Variants in DMD observed in about 807,000 individuals in gnomAD.
The protein encoded by DMD is dystrophin.
In DMD, 63 loss-of-function variants were observed where a neutral mutation model predicts 330.1. The observed-to-expected ratio is 0.19, with a 90% CI of 0.16 to 0.24. The LOEUF (loss-of-function observed/expected upper bound fraction) is 0.24. Ranked by LOEUF, DMD falls within the 10% of genes least tolerant of loss-of-function variation. The pLI, the probability that DMD is intolerant of heterozygous loss-of-function variation, is 1.00. For synonymous variants in DMD, 1,223 were observed against 959.8 expected (o/e 1.27, Z -5.07); for missense variants, 3,344 against 2,684.1 (o/e 1.25, Z -5.43).
chrX:31,708,607 T>TTAAA (rs201116203), intron 52 of DMD, among the ~76,000 whole-genome samples: 3,186 of 111,837 alleles, frequency 0.028, 49 homozygotes, highest in Non-Finnish European at 0.047. Context: ...CCCTATATCA[T>TTAAA]TAAATACTAT....
At chrX:31,596,159 A>G (rs1198268085) in intron 55 of DMD, among the ~76,000 whole-genome samples, 3 of 111,726 alleles carry the variant, frequency 2.7e-5, no homozygotes, top group Non-Finnish European at 5.6e-5. Flanking sequence ...CTAGCATAAC[A>G]TAATATTGAT....
intron 1 of DMD, among the ~76,000 whole-genome samples, chrX:33,072,041 G>C (rs1476453314): frequency 4.5e-5 from 5 of 112,285 alleles, no homozygotes; most frequent in Non-Finnish European, 9.4e-5. Context: ...ACTTGAAAAT[G>C]TGTTCATAGT....
In DMD at chrX:32,310,127, A is replaced by G. The variant is rs373804251; in HGVS notation, c.6072T>C (p.Cys2024=). The change falls in exon 42 of 79, where the codon TGT becomes TGC. Residue 2024 remains cysteine (C), a synonymous_variant. Coordinates refer to ENST00000357033, the MANE Select transcript of DMD (RefSeq NM_004006.3). ...TAAAGAGATCTTCAAAGTCCTTAGC[A>G]CAGAGGTCAGGAGCATTGAGAAGTT... The part of the protein sequence containing the change: ...VEQLLNAPDL[C]AKDFEDLFKQ... 1.6e-5 allele frequency: 19 copies of G among 1,207,826 alleles called. No individual in the cohort carries two copies. The highest frequency in any genetic ancestry group is 2.1e-5 in the Non-Finnish European group (19 of 893,615).
At chrX:31,976,827 T>A (rs1289510798) in intron 44 of DMD, among the ~76,000 whole-genome samples, 5 of 111,881 alleles carry the variant, frequency 4.5e-5, no homozygotes, top group Non-Finnish European at 9.4e-5. Flanking sequence ...TGTGGCATAG[T>A]CTTTAAATGC....
intron 7 of DMD, among the ~76,000 whole-genome samples, chrX:32,790,171 A>G (rs1045605460): frequency 2.7e-5 from 3 of 111,558 alleles, no homozygotes; most frequent in African/African-American, 9.8e-5. Flanking sequence ...CAAGTAGATA[A>G]TCATACTTTG....
rs1419946089 is a variant in DMD, at chrX:31,903,837, T to C, written c.6912+25759A>G. On this transcript the variant is annotated intron_variant, in intron 47 of 78. Transcript: ENST00000357033. ...AATAAGAAAGAACATTACTTCAATA[T>C]TGAGTTCTTAACATAAATGAGAGCA... 3.6e-5 allele frequency among the ~76,000 whole-genome samples: 4 copies of C among 111,906 alleles called. No homozygotes were observed. In the East Asian group the frequency reaches 1.1e-3, roughly 31 times the overall value.
chrX:32,581,571 T>G (rs7882802), intron 13 of DMD, among the ~76,000 whole-genome samples: 4,649 of 112,014 alleles, frequency 0.042, 243 homozygotes, highest in African/African-American at 0.14. Flanking sequence ...CACAAATGAT[T>G]CGAGCTGACT....
chrX:32,402,033 C>T (rs956859080), intron 30 of DMD, among the ~76,000 whole-genome samples: 3 of 111,733 alleles, frequency 2.7e-5, no homozygotes, highest in African/African-American at 9.7e-5. Flanking sequence ...GAAAGCAGAT[C>T]TGAGTTAAAA....
intron 43 of DMD, among the ~76,000 whole-genome samples, chrX:32,267,692 G>C (rs1013314309): frequency 1.8e-5 from 2 of 111,935 alleles, no homozygotes; most frequent in African/African-American, 6.5e-5. Context: ...CAAAAATAAA[G>C]TTTTGTTAAA....
In DMD at chrX:32,347,743, G is replaced by GA. The variant is rs774600594; in HGVS notation, c.5448+662dup. Among the ~76,000 whole-genome samples, 20 of 109,894 alleles carry GA rather than the reference G, an allele frequency of 1.8e-4. No homozygotes were observed. The East Asian group carries it at 2.9e-3, about 16-fold the overall frequency. On this transcript the variant is annotated intron_variant, in intron 38 of 78. Transcript: ENST00000357033. ...AATTGTGAAAAGGAGGATGAAGAGA[G>GA]AAAAAAAAAGTCAGTTAATAAGGAT...
chrX:33,034,420 A>C (rs776591658), intron 1 of DMD, among the ~76,000 whole-genome samples: 31 of 111,733 alleles, frequency 2.8e-4, no homozygotes, highest in Non-Finnish European at 5.1e-4. Flanking sequence ...GCTACTTATT[A>C]ACAGTGTGCC....
intron 2 of DMD, among the ~76,000 whole-genome samples, chrX:32,866,202 C>T (rs775736511): frequency 8.9e-6 from 1 of 112,138 alleles, no homozygotes; most frequent in African/African-American, 3.2e-5. Context: ...CCAGACATTT[C>T]GCAGAGCTGA....
At position 32,882,483 on chromosome X, in the gene DMD, G is replaced by T. The variant is rs147402979; in HGVS notation, c.94-32663C>A. Among the ~76,000 whole-genome samples, 486 of 112,292 alleles carry T rather than the reference G, an allele frequency of 4.3e-3. 7 individuals are homozygous for T. The East Asian group carries it at 0.064, about 15-fold the overall frequency. Reference sequence around the variant, plus strand: ...CTATCAAAATGGAAATACATTAAGTGTTGGGTCTGTGTTTAATGGGTAAGG... The same window carrying T: ...CTATCAAAATGGAAATACATTAAGTTTTGGGTCTGTGTTTAATGGGTAAGG... On this transcript the variant is annotated intron_variant, in intron 2 of 78. Transcript: ENST00000357033.
chrX:31,878,127 A>G (rs1304950018), intron 47 of DMD, among the ~76,000 whole-genome samples: 2 of 112,108 alleles, frequency 1.8e-5, no homozygotes, highest in African/African-American at 3.2e-5. Flanking sequence ...AATTCCTGAC[A>G]GAAAACAGTG....
chrX:32,952,853 G>A (rs1384413539), intron 2 of DMD, among the ~76,000 whole-genome samples: 1 of 110,360 alleles, frequency 9.1e-6, no homozygotes, highest in Admixed American at 9.8e-5. Flanking sequence ...AATTTCACTG[G>A]GCTGGGTGCG....
intron 9 of DMD, among the ~76,000 whole-genome samples, chrX:32,686,279 C>T (rs779365005): frequency 9.9e-5 from 11 of 111,199 alleles, no homozygotes; most frequent in South Asian, 3.7e-4. Flanking sequence ...TCTGTATGGC[C>T]GGGCACAATG....
At chrX:32,001,680 C>A (rs2095627923) in intron 44 of DMD, among the ~76,000 whole-genome samples, 1 of 111,496 alleles carries the variant, frequency 9.0e-6, no homozygotes, top group Non-Finnish European at 1.9e-5. Context: ...AGGTAAAAAT[C>A]AAATCGGTCG....
chrX:32,282,343 A>C (rs904751627), intron 43 of DMD, among the ~76,000 whole-genome samples: 1 of 111,798 alleles, frequency 8.9e-6, no homozygotes, highest in Non-Finnish European at 1.9e-5. Context: ...CATGTTTCCT[A>C]TAGGTATATT....
chrX:32,797,945 G>C lies in DMD; in HGVS notation c.649+11548C>G, dbSNP rs186697705. On this transcript the variant is annotated intron_variant, in intron 7 of 78. Coordinates refer to ENST00000357033, the MANE Select transcript of DMD (RefSeq NM_004006.3). ...TAATCCATAATGCACATCTTCAATCGCATGATTATACTTCATTATTTAAAT... is the reference window on the plus strand; with the variant it reads ...TAATCCATAATGCACATCTTCAATCCCATGATTATACTTCATTATTTAAAT... Among the ~76,000 whole-genome samples the C allele has an allele frequency of 3.6e-5, 4 of 111,520 alleles. No homozygotes were observed. In the South Asian group the frequency reaches 1.1e-3, roughly 31 times the overall value.
Sources: allele counts gnomAD v4.1 joint callset (sites outside exome capture counted in the v4.1 genomes callset), GRCh38; gene constraint gnomAD v4.1.1; transcripts MANE v1.5; gene names NCBI Gene and HGNC (gene_info 2026-07-23, HGNC 2026-07-21).